Variants in TSPAN19 observed in about 807,000 individuals in gnomAD.
TSPAN19 encodes tetraspanin 19, also known as tetraspanin-19.
TSPAN19 carries 44 observed loss-of-function variants against 35.1 expected under a neutral mutation model. The ratio of observed to expected loss-of-function variants is 1.25; its 90% confidence interval spans 0.98 to 1.61. TSPAN19 has a LOEUF of 1.61. Ranked by LOEUF, TSPAN19 falls within the 40% of genes most tolerant of loss-of-function variation. The pLI, the probability that TSPAN19 is intolerant of heterozygous loss-of-function variation, is 0.00. For synonymous variants in TSPAN19, 79 were observed against 92.0 expected (o/e 0.86, Z 0.81); for missense variants, 290 against 280.0 (o/e 1.04, Z -0.26).
At chr12:85,025,172 G>A (rs1877338157) in intron 4 of TSPAN19, among the ~76,000 whole-genome samples, 1 of 148,416 alleles carries the variant, frequency 6.7e-6, no homozygotes, top group Non-Finnish European at 1.5e-5. Context: ...GTCTCACTCT[G>A]TGGCCCAGGC....
At chr12:85,020,882 CTT>C (rs1243813826) in intron 5 of TSPAN19, among the ~76,000 whole-genome samples, 2 of 151,774 alleles carry the variant, frequency 1.3e-5, no homozygotes, top group East Asian at 3.9e-4. Flanking sequence ...ATTTGTTATG[CTT>C]TTCATTTGTT....
chr12:85,023,743 A>C, intron 4 of TSPAN19, among the ~76,000 whole-genome samples: 1 of 152,312 alleles, frequency 6.6e-6, no homozygotes, highest in Middle Eastern at 3.4e-3. Context: ...CTAAAACTAA[A>C]GACTCACTAA....
At position 85,023,364 on chromosome 12, in the gene TSPAN19, C is replaced by T. The variant is rs368223404; in HGVS notation, c.301G>A (p.Val101Ile). The stretch of plus-strand genomic sequence containing the variant: ...GTGATGATGAATGCTGAAAGTACAA[C>T]CTGAACAGCAAAGGTCCATGTTATC... ...VLITWTFAVQ[V>I]VLSAFIITKK... The change falls in exon 5 of 9, where the codon GTT becomes ATT. Residue 101 changes from valine (V) to isoleucine (I), a missense_variant. Physicochemically the swap from Val to Ile is conservative, Grantham distance 29. Transcript: ENST00000532498. 6 of 1,589,216 alleles carry T rather than the reference C, an allele frequency of 3.8e-6. No homozygotes were observed. The highest frequency in any genetic ancestry group is 2.3e-5 in the East Asian group (1 of 44,142).
At position 85,035,937 on chromosome 12, in the gene TSPAN19, TC is replaced by T. The variant is rs1340763282; in HGVS notation, c.-28+266del. On this transcript the variant is annotated intron_variant, in intron 1 of 8. Coordinates refer to ENST00000532498, the MANE Select transcript of TSPAN19 (RefSeq NM_001100917.2). ...TTCTTTTTTCCTTTTTCTTTTCTTT[TC>T]TTTTTTAAAAAACTGTTGTCATGGA... Among the ~76,000 whole-genome samples the T allele has an allele frequency of 2.6e-5, 4 of 152,208 alleles. No homozygotes were observed. The South Asian group carries it at 6.2e-4, about 24-fold the overall frequency.
At chr12:85,029,571 C>G in intron 3 of TSPAN19, 148 bp downstream of exon 3, 1 of 741,214 alleles carries the variant, frequency 1.3e-6, no homozygotes, top group Non-Finnish European at 2.1e-6. Flanking sequence ...TTTAAAAAAT[C>G]TCTACAACTG....
In TSPAN19 at chr12:85,025,527, G is replaced by A. The variant is rs12310874; in HGVS notation, c.265-2127C>T. Reference sequence around the variant, plus strand: ...TTTAAGACATGGAATAGCTTTTTTTGTTGGGGGGGAGGTGGGGGATGGAGT... The same window carrying A: ...TTTAAGACATGGAATAGCTTTTTTTATTGGGGGGGAGGTGGGGGATGGAGT... On this transcript the variant is annotated intron_variant, in intron 4 of 8. Transcript: ENST00000532498. 3.0e-3 allele frequency among the ~76,000 whole-genome samples: 453 copies of A among 150,822 alleles called. 5 individuals carry two copies. Among genetic ancestry groups the A allele is most frequent in the African/African-American group, 0.01 (428 of 41,146 alleles).
At chr12:85,029,379 T>G (rs1877575716) in intron 3 of TSPAN19, among the ~76,000 whole-genome samples, 1 of 152,160 alleles carries the variant, frequency 6.6e-6, no homozygotes, top group Non-Finnish European at 1.5e-5. Context: ...TATATAGTGA[T>G]CAGATCAGAG....
At position 85,019,807 on chromosome 12, in the gene TSPAN19, G is replaced by T. The variant is rs116819208; in HGVS notation, c.340-71C>A. 2.4e-5 allele frequency: 18 copies of T among 757,488 alleles called. No individual in the cohort carries two copies. In the African/African-American group the frequency reaches 2.5e-4, roughly 11 times the overall value. The allele number at this position is 757,488 out of a possible 1,614,324, so 46.9% of individuals were successfully genotyped here. On this transcript the variant is annotated intron_variant, in intron 5 of 8. Transcript: ENST00000532498. ...CATAAAAATTTCATAGAAATTGATG[G>T]TTCCTCAAGAGTACCATCATGAAAA...
At position 85,025,353 on chromosome 12, in the gene TSPAN19, C is replaced by T; in HGVS notation, c.265-1953G>A. Among the ~76,000 whole-genome samples the T allele has an allele frequency of 1.3e-5, 2 of 152,066 alleles. 1 individual carries two copies. Among genetic ancestry groups the T allele is most frequent in the Non-Finnish European group, 2.9e-5 (2 of 68,022 alleles). On this transcript the variant is annotated intron_variant, in intron 4 of 8. Coordinates refer to ENST00000532498, the MANE Select transcript of TSPAN19 (RefSeq NM_001100917.2). ...GTTTCACCATGGTGGCCAGGCTGGT[C>T]TCCAACTACTGGCTGGTCTCAGGTG...
At chr12:85,021,252 T>A (rs1481059103) in intron 5 of TSPAN19, among the ~76,000 whole-genome samples, 1 of 151,980 alleles carries the variant, frequency 6.6e-6, no homozygotes, top group Non-Finnish European at 1.5e-5. Context: ...TGAATACTAG[T>A]CTTAAGGATT....
chr12:85,024,122 C>T (rs549699197), intron 4 of TSPAN19, among the ~76,000 whole-genome samples: 18 of 152,054 alleles, frequency 1.2e-4, no homozygotes, highest in African/African-American at 2.9e-4. Context: ...GCAAAATGGG[C>T]GAGATTTACA....
At chr12:85,029,460 C>A (rs1176464215) in intron 3 of TSPAN19, among the ~76,000 whole-genome samples, 1 of 151,978 alleles carries the variant, frequency 6.6e-6, no homozygotes, top group Non-Finnish European at 1.5e-5. Flanking sequence ...ATTCTTCTAG[C>A]TATTTGTGAC....
chr12:85,026,098 A>G (rs1304809954), intron 4 of TSPAN19, among the ~76,000 whole-genome samples: 1 of 152,094 alleles, frequency 6.6e-6, no homozygotes, highest in African/African-American at 2.4e-5. Context: ...AGATGCCATT[A>G]ATGCTTGAAT....
At chr12:85,036,049 T>TTA (rs544330587) in intron 1 of TSPAN19, among the ~76,000 whole-genome samples, 155 bp downstream of exon 1, 149 of 152,302 alleles carry the variant, frequency 9.8e-4, no homozygotes, top group African/African-American at 3.4e-3. Flanking sequence ...AATGAACACC[T>TTA]TATACATGGG....
chr12:85,030,587 T>C (rs2135816571), intron 1 of TSPAN19, among the ~76,000 whole-genome samples: 2 of 152,214 alleles, frequency 1.3e-5, no homozygotes, highest in Non-Finnish European at 2.9e-5. Flanking sequence ...TATACCATTG[T>C]AACCTCCAGG....
chr12:85,033,547 CTG>C (rs1477696660), intron 1 of TSPAN19, among the ~76,000 whole-genome samples: 12 of 152,090 alleles, frequency 7.9e-5, no homozygotes, highest in Non-Finnish European at 1.3e-4. Context: ...GGAATGTAGT[CTG>C]TAGAAATGAT....
rs1212195814 is a variant in TSPAN19 at position 85,026,634 on chromosome 12, C to G, written c.264+1265G>C. On this transcript the variant is annotated intron_variant, in intron 4 of 8. Transcript: ENST00000532498. Reference sequence around the variant, plus strand: ...TGATTCCTATGCCAGGTGTACCTCCCAATTGCTGTGTCACTGGGGAGGTCT... The same window carrying G: ...TGATTCCTATGCCAGGTGTACCTCCGAATTGCTGTGTCACTGGGGAGGTCT... Among the ~76,000 whole-genome samples, 5 of 152,170 alleles carry G rather than the reference C, an allele frequency of 3.3e-5. No homozygotes were observed. The East Asian group carries it at 9.7e-4, about 29-fold the overall frequency.
intron 6 of TSPAN19, among the ~76,000 whole-genome samples, chr12:85,018,575 G>A (rs892694686): frequency 6.6e-6 from 1 of 151,696 alleles, no homozygotes; most frequent in Non-Finnish European, 1.5e-5. Flanking sequence ...ATACATGTAC[G>A]GATCACATAC....
chr12:85,017,286 A>G, intron 7 of TSPAN19, 170 bp downstream of exon 7: 1 of 600,174 alleles, frequency 1.7e-6, no homozygotes, highest in Non-Finnish European at 2.9e-6. Context: ...ACTGGAAATG[A>G]CACTACAATT....
Sources: allele counts gnomAD v4.1 joint callset (sites outside exome capture counted in the v4.1 genomes callset), GRCh38; gene constraint gnomAD v4.1.1; transcripts MANE v1.5; gene names NCBI Gene and HGNC (gene_info 2026-07-23, HGNC 2026-07-21).